Variants in GALNT14 observed in about 807,000 individuals in gnomAD.
The protein encoded by GALNT14 is polypeptide N-acetylgalactosaminyltransferase 14, also known as UDP-GalNAc:polypeptide N-acetylgalactosaminyltransferase 14.
A neutral mutation model predicts 77.5 loss-of-function variants in GALNT14; 60 were observed. That is an observed-to-expected ratio of 0.77 (90% CI 0.63 to 0.96). The LOEUF (loss-of-function observed/expected upper bound fraction) is 0.96. Among genes scored for constraint, GALNT14 ranks in the 40% least tolerant of loss-of-function variants. GALNT14 has a pLI of 0.00. For missense variants in GALNT14, 710 were observed against 731.0 expected (o/e 0.97, Z 0.33); for synonymous variants, 280 against 281.7 (o/e 0.99, Z 0.06).
At chr2:30,967,868 A>G (rs1457838587) in intron 2 of GALNT14, among the ~76,000 whole-genome samples, 2 of 152,018 alleles carry the variant, frequency 1.3e-5, no homozygotes, top group Non-Finnish European at 2.9e-5. Flanking sequence ...AGCCTTCTAC[A>G]CCCTTCAAAA....
At chr2:31,100,432 A>T (rs1677210433) in intron 1 of GALNT14, among the ~76,000 whole-genome samples, 1 of 151,996 alleles carries the variant, frequency 6.6e-6, no homozygotes, top group Admixed American at 6.6e-5. Flanking sequence ...TAGTTTATGG[A>T]ATTCTTTTAT....
At chr2:30,930,777 T>C (rs536531271) in intron 10 of GALNT14, among the ~76,000 whole-genome samples, 3 of 152,372 alleles carry the variant, frequency 2.0e-5, no homozygotes, top group African/African-American at 7.2e-5. Context: ...GGTGGGGCAC[T>C]GGAGGCAGTT....
intron 13 of GALNT14, 131 bp downstream of exon 13, chr2:30,923,988 T>C (rs1197455422): frequency 5.0e-6 from 5 of 1,009,370 alleles, no homozygotes; most frequent in Non-Finnish European, 7.7e-6. Flanking sequence ...ACACCTCTCA[T>C]GCTCCACTAC....
intron 1 of GALNT14, chr2:31,125,216 G>A (rs1365495820): frequency 1.3e-6 from 2 of 1,550,562 alleles, no homozygotes; most frequent in East Asian, 2.4e-5. Flanking sequence ...AGGCGCCCAA[G>A]GGCTCATCCC....
chr2:30,918,756 T>A (rs1358057320), intron 13 of GALNT14, among the ~76,000 whole-genome samples: 1 of 99,108 alleles, frequency 1.0e-5, no homozygotes, highest in Non-Finnish European at 1.9e-5. Context: ...GAGGGTGGCA[T>A]CAGGCAGGGA....
chr2:31,045,211 C>A (rs1673363929), intron 1 of GALNT14, among the ~76,000 whole-genome samples: 1 of 152,142 alleles, frequency 6.6e-6, no homozygotes, highest in African/African-American at 2.4e-5. Context: ...AAACCTTGAA[C>A]TTCAGAGGCC....
chr2:30,945,862 C>T lies in GALNT14; in HGVS notation c.663G>A (p.Thr221=), dbSNP rs561488354. The part of the protein sequence containing the change: ...PLLHRVKEDY[T]RVVCPVIDII... ...TATCGATCACAGGGCACACCACCCG[C>T]GTGTAGTCCTGTAAGACAACAGACC... Residue 221 remains threonine, a synonymous_variant, in exon 7 of 15, where the codon ACG becomes ACA. Coordinates refer to ENST00000349752, the MANE Select transcript of GALNT14 (RefSeq NM_024572.4). The T allele has an allele frequency of 1.1e-5, 18 of 1,614,010 alleles. No homozygotes were observed. The highest frequency in any genetic ancestry group is 3.3e-4 in the Middle Eastern group (2 of 6,062).
chr2:31,054,950 G>A lies in GALNT14; in HGVS notation c.130-61943C>T, dbSNP rs1027718654. Among the ~76,000 whole-genome samples, 3 of 152,204 alleles carry A rather than the reference G, an allele frequency of 2.0e-5. No homozygotes were observed. The East Asian group carries it at 5.8e-4, about 29-fold the overall frequency. ...TATAAAGAACTAAAGGGTTCTCATG[G>A]GAGAGAAGAGACTGGGAATAGCTTC... On this transcript the variant is annotated intron_variant, in intron 1 of 14. Transcript: ENST00000349752.
At chr2:31,111,163 T>G (rs538563187) in intron 1 of GALNT14, among the ~76,000 whole-genome samples, 1 of 152,296 alleles carries the variant, frequency 6.6e-6, no homozygotes, top group African/African-American at 2.4e-5. Context: ...CTACCCAGGA[T>G]GCAGATGGGG....
intron 1 of GALNT14, chr2:31,079,174 AT>A: frequency 7.6e-6 from 5 of 659,142 alleles, no homozygotes; most frequent in Non-Finnish European, 1.1e-5. Flanking sequence ...CAGGCTCCAC[AT>A]CAGTGTGGAA....
chr2:30,981,832 G>A (rs563603036), intron 2 of GALNT14, among the ~76,000 whole-genome samples: 14 of 152,330 alleles, frequency 9.2e-5, no homozygotes, highest in Non-Finnish European at 1.3e-4. Context: ...CTCATGTTAC[G>A]TGGGAGGAAA....
chr2:31,103,851 T>A (rs1677416515), intron 1 of GALNT14, among the ~76,000 whole-genome samples: 1 of 152,152 alleles, frequency 6.6e-6, no homozygotes, highest in Non-Finnish European at 1.5e-5. Context: ...GTTAAAAATA[T>A]TCAATGCTCA....
At chr2:30,911,441 G>T (rs190700680) in intron 14 of GALNT14, among the ~76,000 whole-genome samples, 62 of 152,282 alleles carry the variant, frequency 4.1e-4, no homozygotes, top group Admixed American at 3.7e-3. Context: ...GTGATGGCAG[G>T]AGGGGCTGGG....
At chr2:31,130,777 T>TGC (rs1170219175) in intron 1 of GALNT14, among the ~76,000 whole-genome samples, 13 of 137,106 alleles carry the variant, frequency 9.5e-5, no homozygotes, top group African/African-American at 4.0e-4. Flanking sequence ...TGTGTGTGTG[T>TGC]GTGTGTGCGC....
At chr2:31,050,772 T>C (rs1673808364) in intron 1 of GALNT14, among the ~76,000 whole-genome samples, 1 of 42,272 alleles carries the variant, frequency 2.4e-5, no homozygotes, top group South Asian at 1.1e-3. Context: ...AAAAAGTTTT[T>C]TGTTTTTTTT....
At chr2:30,966,409 T>A in intron 2 of GALNT14, 107 bp from the exon 3 acceptor site, 1 of 750,512 alleles carries the variant, frequency 1.3e-6, no homozygotes, top group Non-Finnish European at 2.3e-6. Flanking sequence ...AGATGCTTGA[T>A]ATCTAGAAGG....
intron 1 of GALNT14, among the ~76,000 whole-genome samples, chr2:31,011,765 A>G (rs1053393461): frequency 1.3e-5 from 2 of 152,058 alleles, no homozygotes; most frequent in Non-Finnish European, 2.9e-5. Context: ...GCCTCTGCCC[A>G]CCCCATGCCG....
chr2:30,914,593 C>A (rs908560975), intron 13 of GALNT14, among the ~76,000 whole-genome samples: 6 of 152,184 alleles, frequency 3.9e-5, no homozygotes, highest in African/African-American at 1.4e-4. Context: ...GGCCCACACT[C>A]CTGATTCTAC....
chr2:31,062,736 T>C (rs1258181542), intron 1 of GALNT14, among the ~76,000 whole-genome samples: 1 of 152,220 alleles, frequency 6.6e-6, no homozygotes, highest in Non-Finnish European at 1.5e-5. Flanking sequence ...GTTTCATGAC[T>C]TTTTAATGAT....
Sources: allele counts gnomAD v4.1 joint callset (sites outside exome capture counted in the v4.1 genomes callset), GRCh38; gene constraint gnomAD v4.1.1; transcripts MANE v1.5; gene names NCBI Gene and HGNC (gene_info 2026-07-23, HGNC 2026-07-21).